Variants in ADAM32 observed in about 807,000 individuals in gnomAD.
ADAM32 encodes the protein ADAM metallopeptidase domain 32.
ADAM32 carries 89 observed loss-of-function variants against 114.9 expected under a neutral mutation model. The observed-to-expected ratio is 0.77, with a 90% confidence interval of 0.65 to 0.92. The LOEUF (loss-of-function observed/expected upper bound fraction) is 0.92, where lower values mean the gene tolerates loss of function less well. Ranked by LOEUF, ADAM32 falls within the 40% of genes least tolerant of loss-of-function variation. The pLI is 0.00. For missense variants in ADAM32, 870 were observed against 932.8 expected (o/e 0.93, Z 0.88); for synonymous variants, 285 against 307.5 (o/e 0.93, Z 0.77).
At chr8:39,174,374 T>C (rs575773940) in intron 10 of ADAM32, among the ~76,000 whole-genome samples, 4 of 152,340 alleles carry the variant, frequency 2.6e-5, no homozygotes, top group African/African-American at 9.6e-5. Flanking sequence ...AGCCTTGTAG[T>C]ATAGTTTGAA....
intron 7 of ADAM32, 109 bp from the exon 8 acceptor site, chr8:39,164,655 A>G: frequency 1.4e-6 from 1 of 707,612 alleles, no homozygotes; most frequent in Non-Finnish European, 2.2e-6. Context: ...TTTATTTTGA[A>G]CTGTTGAAAC....
At chr8:39,201,227 T>A (rs1035503719) in intron 11 of ADAM32, among the ~76,000 whole-genome samples, 6 of 152,210 alleles carry the variant, frequency 3.9e-5, no homozygotes, top group African/African-American at 1.4e-4. Flanking sequence ...TATGGCCATT[T>A]TCACAATATT....
intron 6 of ADAM32, 105 bp from the exon 7 acceptor site, chr8:39,160,792 C>T: frequency 1.0e-6 from 1 of 972,312 alleles, no homozygotes; most frequent in Middle Eastern, 2.7e-4. Flanking sequence ...AAAGCAAACA[C>T]CTCTGCATAT....
At chr8:39,180,525 G>A (rs1357562814) in intron 10 of ADAM32, among the ~76,000 whole-genome samples, 1 of 152,242 alleles carries the variant, frequency 6.6e-6, no homozygotes, top group Admixed American at 6.5e-5. Context: ...CACATGGCGC[G>A]GGACTGGCAG....
intron 3 of ADAM32, among the ~76,000 whole-genome samples, chr8:39,138,438 C>G (rs1423946212): frequency 6.6e-6 from 1 of 152,038 alleles, no homozygotes; most frequent in Admixed American, 6.6e-5. Flanking sequence ...GTTTTCTGTC[C>G]TTGTGACAGT....
intron 2 of ADAM32, among the ~76,000 whole-genome samples, chr8:39,118,672 AT>A (rs1158836389): frequency 6.6e-6 from 1 of 152,186 alleles, no homozygotes; most frequent in Admixed American, 6.5e-5. Context: ...GTCTTAGGAG[AT>A]TTAAAAAAAA....
At chr8:39,277,595 G>C (rs1244091931) in intron 22 of ADAM32, among the ~76,000 whole-genome samples, 1 of 152,192 alleles carries the variant, frequency 6.6e-6, no homozygotes, top group African/African-American at 2.4e-5. Flanking sequence ...GGGTGAACGA[G>C]GTGGGAGCTG....
chr8:39,166,909 T>C (rs996279251), intron 9 of ADAM32: 2 of 152,208 alleles, frequency 1.3e-5, no homozygotes, highest in African/African-American at 4.8e-5. Flanking sequence ...ACTGATTTGT[T>C]TGAGTTCATT....
chr8:39,114,138 A>G (rs1482967616), intron 1 of ADAM32, among the ~76,000 whole-genome samples: 1 of 152,210 alleles, frequency 6.6e-6, no homozygotes, highest in Non-Finnish European at 1.5e-5. Flanking sequence ...TGATCTATAT[A>G]AGTCCCTATT....
At chr8:39,261,849 C>G (rs1287696659) in intron 19 of ADAM32, among the ~76,000 whole-genome samples, 1 of 151,990 alleles carries the variant, frequency 6.6e-6, no homozygotes. Flanking sequence ...TGTGTGTCTT[C>G]TTTTGAGAAA....
intron 6 of ADAM32, among the ~76,000 whole-genome samples, chr8:39,158,924 G>A (rs1804325003): frequency 6.6e-6 from 1 of 151,810 alleles, no homozygotes; most frequent in South Asian, 2.1e-4. Context: ...CATTCTTCTG[G>A]TTTCCTTTAG....
chr8:39,151,570 A>G, intron 6 of ADAM32, 22 bp downstream of exon 6: 1 of 1,451,648 alleles, frequency 6.9e-7, no homozygotes, highest in Non-Finnish European at 9.2e-7. Context: ...ATGTTTTATT[A>G]CTACTTTTAA....
chr8:39,238,273 AG>A (rs1810321756), intron 16 of ADAM32, among the ~76,000 whole-genome samples: 1 of 152,332 alleles, frequency 6.6e-6, no homozygotes, highest in South Asian at 2.1e-4. Flanking sequence ...AACATTCCCA[AG>A]TACCAACTGA....
At chr8:39,268,780 G>A (rs144501996) in intron 19 of ADAM32, among the ~76,000 whole-genome samples, 1 of 152,274 alleles carries the variant, frequency 6.6e-6, no homozygotes, top group African/African-American at 2.4e-5. Flanking sequence ...AAGAAGTATG[G>A]AAATAGTATA....
In ADAM32 at chr8:39,284,794, A is replaced by G; in HGVS notation, c.2359A>G (p.Asn787Asp). 2 of 1,613,850 alleles carry G rather than the reference A, an allele frequency of 1.2e-6. No individual in the cohort carries two copies. The highest frequency in any genetic ancestry group is 1.7e-5 in the Admixed American group (1 of 60,026). ...QDSTQTQSSSN is the reference protein window; with the variant it reads ...QDSTQTQSSSD Reference sequence around the variant, plus strand: ...GTGTTTTTTTGTTCTCTTCCACAGTAACTAGTGATTCCTTCAGAAGGCAAC... The same window carrying G: ...GTGTTTTTTTGTTCTCTTCCACAGTGACTAGTGATTCCTTCAGAAGGCAAC... The change falls in exon 25 of 25, where the codon AAC becomes GAC. Residue 787 changes from asparagine to aspartate, a missense_variant and splice_region_variant. Coordinates refer to ENST00000379907, the MANE Select transcript of ADAM32 (RefSeq NM_145004.7).
chr8:39,125,191 GT>G (rs1474712032), intron 2 of ADAM32, among the ~76,000 whole-genome samples: 1 of 152,072 alleles, frequency 6.6e-6, no homozygotes, highest in Non-Finnish European at 1.5e-5. Context: ...TTTTAATGGA[GT>G]TTTTTGTTTT....
intron 16 of ADAM32, among the ~76,000 whole-genome samples, chr8:39,241,158 T>C (rs1310808860): frequency 6.6e-6 from 1 of 152,248 alleles, no homozygotes; most frequent in Non-Finnish European, 1.5e-5. Context: ...TTTGACTCCA[T>C]GTCTCACATC....
At chr8:39,123,289 C>T (rs752280773) in intron 2 of ADAM32, among the ~76,000 whole-genome samples, 7 of 151,856 alleles carry the variant, frequency 4.6e-5, no homozygotes, top group Non-Finnish European at 8.8e-5. Flanking sequence ...AGTGTAAATC[C>T]TTCATTATTC....
intron 2 of ADAM32, among the ~76,000 whole-genome samples, chr8:39,120,537 A>C (rs1035272156): frequency 6.6e-6 from 1 of 152,082 alleles, no homozygotes; most frequent in Non-Finnish European, 1.5e-5. Flanking sequence ...TGACGTGGGC[A>C]GATTACCTGA....
Sources: gnomAD v4.1 joint callset for allele counts (sites outside exome capture counted in the v4.1 genomes callset) on GRCh38, gnomAD v4.1.1 for gene constraint, MANE v1.5 for transcripts, NCBI Gene and HGNC (gene_info 2026-07-23, HGNC 2026-07-21) for gene names.